Variants in NR5A2 observed in about 807,000 individuals in gnomAD.
NR5A2 encodes the protein nuclear receptor subfamily 5 group A member 2, also known as CYP7A promoter-binding factor.
Under a neutral mutation model 62.7 loss-of-function variants are expected in NR5A2, and 26 were observed. The ratio of observed to expected loss-of-function variants is 0.41; its 90% CI spans 0.30 to 0.58. The LOEUF is 0.58. NR5A2 is among the 20% of genes least tolerant of loss of function. The pLI, the probability that NR5A2 is intolerant of heterozygous loss-of-function variation, is 0.22. For synonymous variants in NR5A2, 246 were observed against 241.7 expected (o/e 1.02, Z -0.16); for missense variants, 541 against 669.1 (o/e 0.81, Z 2.11).
chr1:200,165,740 A>C (rs1482335471), intron 7 of NR5A2, among the ~76,000 whole-genome samples: 1 of 152,202 alleles, frequency 6.6e-6, no homozygotes, highest in Non-Finnish European at 1.5e-5. Context: ...CAGTCTAACC[A>C]TTCACATACT....
At chr1:200,059,471 T>C (rs1025340539) in intron 5 of NR5A2, among the ~76,000 whole-genome samples, 4 of 152,188 alleles carry the variant, frequency 2.6e-5, no homozygotes, top group Admixed American at 6.5e-5. Flanking sequence ...CTTATTCCAG[T>C]ACTTATGCTT....
Position 200,048,437 on chromosome 1 carries a change from C to T in NR5A2, c.729C>T (p.Ser243=). The change falls in exon 5 of 8, where the codon TCC becomes TCT. Residue 243 remains serine, a synonymous_variant. Transcript: ENST00000367362. This position sits in a 1 kb window ranked among gnomAD's most constrained non-coding sequence, Gnocchi z 4.8. The part of the protein sequence containing the change: ...TDYDRSPFVT[S]PISMTMPPHG... ...ATGACAGAAGTCCCTTTGTAACATCCCCCATTAGCATGACAATGCCCCCTC... is the reference window on the plus strand; with the variant it reads ...ATGACAGAAGTCCCTTTGTAACATCTCCCATTAGCATGACAATGCCCCCTC... The T allele has an allele frequency of 6.2e-7, 1 of 1,614,174 alleles. No homozygotes were observed. The highest frequency in any genetic ancestry group is 8.5e-7 in the Non-Finnish European group (1 of 1,180,028).
intron 5 of NR5A2, among the ~76,000 whole-genome samples, chr1:200,101,920 T>C (rs1332260702): frequency 6.6e-6 from 1 of 152,244 alleles, no homozygotes; most frequent in Non-Finnish European, 1.5e-5. Flanking sequence ...TATAATTCTA[T>C]GCAAAAGAAG....
chr1:200,086,826 G>C (rs1204407881), intron 5 of NR5A2, among the ~76,000 whole-genome samples: 1 of 152,000 alleles, frequency 6.6e-6, no homozygotes, highest in African/African-American at 2.4e-5. Flanking sequence ...ATCAACTGAG[G>C]TACGGAGTTC....
intron 7 of NR5A2, among the ~76,000 whole-genome samples, chr1:200,169,720 TC>T (rs1165574978): frequency 6.6e-6 from 1 of 152,244 alleles, no homozygotes; most frequent in Non-Finnish European, 1.5e-5. Flanking sequence ...CAAAATGCTC[TC>T]GCCAGTCATC....
chr1:200,034,783 C>CTTTTTTTTTTT lies in NR5A2; in HGVS notation c.65-4854_65-4844dup, dbSNP rs767393832. Among the ~76,000 whole-genome samples the CTTTTTTTTTTT allele has an allele frequency of 5.8e-4, 41 of 71,282 alleles. 6 individuals carry two copies. Among genetic ancestry groups the CTTTTTTTTTTT allele is most frequent in the African/African-American group, 2.1e-3 (40 of 18,906 alleles). The allele number at this position is 71,282 out of a possible 152,430, so 46.8% of individuals were successfully genotyped here. On this transcript the variant is annotated intron_variant, in intron 1 of 7. Transcript: ENST00000367362. Reference sequence around the variant, plus strand: ...GTTATTCACACGTGCAGCAGAAAGGCTTTTTTTTTTTTTTTTTTTTTTTTT... The same window carrying CTTTTTTTTTTT: ...GTTATTCACACGTGCAGCAGAAAGGCTTTTTTTTTTTTTTTTTTTTTTTTTTTTTTTTTTTT...
At chr1:200,054,771 T>A (rs1662830313) in intron 5 of NR5A2, among the ~76,000 whole-genome samples, 2 of 152,194 alleles carry the variant, frequency 1.3e-5, no homozygotes, top group South Asian at 4.1e-4. Context: ...GCATTATTTA[T>A]CTATTTTTAA....
chr1:200,033,447 G>A (rs1324703373), intron 1 of NR5A2, among the ~76,000 whole-genome samples: 1 of 149,070 alleles, frequency 6.7e-6, no homozygotes, highest in Non-Finnish European at 1.5e-5. Flanking sequence ...GCCTCTTGCA[G>A]TGAGATATGC....
At chr1:200,047,969 T>C (rs887498375) in intron 4 of NR5A2, among the ~76,000 whole-genome samples, 23 of 152,192 alleles carry the variant, frequency 1.5e-4, no homozygotes, top group African/African-American at 5.5e-4. Context: ...AAGTATTTTT[T>C]TGATGACGAC....
At chr1:200,155,808 G>A (rs1021813573) in intron 7 of NR5A2, among the ~76,000 whole-genome samples, 7 of 151,994 alleles carry the variant, frequency 4.6e-5, no homozygotes, top group Non-Finnish European at 1.0e-4. Context: ...CAAGTAGCTG[G>A]GATTGCAGGT....
At chr1:200,094,053 C>T (rs1425209237) in intron 5 of NR5A2, among the ~76,000 whole-genome samples, 1 of 152,076 alleles carries the variant, frequency 6.6e-6, no homozygotes, top group Non-Finnish European at 1.5e-5. Flanking sequence ...CCTGTAGTCC[C>T]AGCTACTCAG....
At position 200,147,141 on chromosome 1, in the gene NR5A2, A is replaced by G. The variant is rs1242719662; in HGVS notation, c.1378+26186A>G. 1.3e-5 allele frequency among the ~76,000 whole-genome samples: 2 copies of G among 152,214 alleles called. No individual in the cohort carries two copies. The highest frequency in any genetic ancestry group is 4.8e-5 in the African/African-American group (2 of 41,446). On this transcript the variant is annotated intron_variant, in intron 7 of 7. Coordinates refer to ENST00000367362, the MANE Select transcript of NR5A2 (RefSeq NM_205860.3). This position sits in a 1 kb window ranked among gnomAD's most constrained non-coding sequence, Gnocchi z 4.9. ...GGAAAATAAAAAATGTTTCCGAAAA[A>G]AGTGGGCTGTGATGCAAGGTACTGT...
At chr1:200,065,102 TAAC>T (rs1663407707) in intron 5 of NR5A2, among the ~76,000 whole-genome samples, 2 of 151,626 alleles carry the variant, frequency 1.3e-5, no homozygotes, top group African/African-American at 2.4e-5. Flanking sequence ...TTCTTCAGTA[TAAC>T]ATTCTTTTTG....
intron 5 of NR5A2, among the ~76,000 whole-genome samples, chr1:200,062,823 T>G (rs1254700685): frequency 6.6e-6 from 1 of 152,218 alleles, no homozygotes; most frequent in Non-Finnish European, 1.5e-5. Flanking sequence ...TGTTAACTGC[T>G]GTATTAGCTA....
rs751586641 is a variant in NR5A2, at chr1:200,174,157, G to T, written c.1573G>T (p.Asp525Tyr). The change falls in exon 8 of 8, where the codon GAT becomes TAT. Residue 525 changes from aspartate to tyrosine, a missense_variant. By Grantham distance (160) the Asp-to-Tyr change is radical. Around this residue, in one of 3 missense-constraint regions of NR5A2, gnomAD observed 379 missense variants for 442.0 expected, o/e 0.86. Transcript: ENST00000367362. ...CCTCTACTACAAGCACCTGAACGGG[G>T]ATGTGCCCTATAATAACCTTCTCAT... ...EYLYYKHLNGDVPYNNLLIEM... is the reference protein window; with the variant it reads ...EYLYYKHLNGYVPYNNLLIEM... 6.2e-7 allele frequency: 1 copy of T among 1,613,554 alleles called. No homozygotes were observed.
Position 200,157,046 on chromosome 1 carries a change from G to A in NR5A2, c.1379-16917G>A, listed in dbSNP as rs1227699459. Among the ~76,000 whole-genome samples, 3 of 152,256 alleles carry A rather than the reference G, an allele frequency of 2.0e-5. No individual in the cohort carries two copies. The East Asian group carries it at 5.8e-4, about 29-fold the overall frequency. On this transcript the variant is annotated intron_variant, in intron 7 of 7. Transcript: ENST00000367362. ...TCTGACCTTTCCTTATAATAGCACT[G>A]GGTGGACTTCAAAGGTGGAAGAGAT... is the stretch of plus-strand genomic sequence containing the variant.
chr1:200,045,294 T>A lies in NR5A2; in HGVS notation c.322-149T>A. On this transcript the variant is annotated intron_variant, in intron 3 of 7. Transcript: ENST00000367362. ...GCCTGGCACAGTTTGGGAAGGTTGA[T>A]GTTGCTGAAATGTAAAATAAACCAC... The A allele has an allele frequency of 5.0e-6, 3 of 605,130 alleles. No homozygotes were observed. The South Asian group carries it at 9.2e-5, about 19-fold the overall frequency. 37.5% of individuals were successfully genotyped at this position (605,130 alleles called of 1,614,324 possible). A position where few individuals can be genotyped will look rare whatever the true frequency, so the allele number is the denominator to read the frequency against.
intron 5 of NR5A2, among the ~76,000 whole-genome samples, chr1:200,071,105 C>T (rs1663721617): frequency 6.6e-6 from 1 of 152,154 alleles, no homozygotes; most frequent in African/African-American, 2.4e-5. Context: ...AGATGGCTGC[C>T]TAACGAGAAT....
intron 6 of NR5A2, 27 bp from the exon 7 acceptor site, chr1:200,120,781 C>T (rs1340233866): frequency 6.6e-7 from 1 of 1,517,472 alleles, no homozygotes; most frequent in South Asian, 1.3e-5. Flanking sequence ...TTCTGATAGT[C>T]CTTAAAACTG....
Sources: gnomAD v4.1 joint callset for allele counts (sites outside exome capture counted in the v4.1 genomes callset) on GRCh38, gnomAD v4.1.1 for gene constraint, gnomAD v4.1.1 regional missense constraint, Gnocchi (gnomAD v3.1) non-coding constraint, MANE v1.5 for transcripts, NCBI Gene and HGNC (gene_info 2026-07-23, HGNC 2026-07-21) for gene names.